RALYL: variants seen among roughly 807,000 people sequenced by gnomAD.
The protein encoded by RALYL is RNA-binding Raly-like protein.
Under a neutral mutation model 35.1 loss-of-function variants are expected in RALYL, and 29 were observed. The ratio of observed to expected loss-of-function variants is 0.83; its 90% CI spans 0.61 to 1.13. The LOEUF (loss-of-function observed/expected upper bound fraction) is 1.13. Among genes scored for constraint, RALYL ranks in the 50% most tolerant of loss-of-function variants. RALYL has a pLI of 0.00. For missense variants in RALYL, 359 were observed against 360.4 expected (o/e 1.00, Z 0.03); for synonymous variants, 120 against 127.6 (o/e 0.94, Z 0.40).
At chr8:84,900,560 T>C (rs1845499136) in intron 8 of RALYL, among the ~76,000 whole-genome samples, 1 of 152,030 alleles carries the variant, frequency 6.6e-6, no homozygotes. Flanking sequence ...ATGCCTGTAA[T>C]TCCAGCTACC....
intron 1 of RALYL, among the ~76,000 whole-genome samples, chr8:84,397,272 AGACTTCT>A (rs1323327854): frequency 6.6e-6 from 1 of 152,218 alleles, no homozygotes; most frequent in South Asian, 2.1e-4. Context: ...GACTCCTTTC[AGACTTCT>A]GACCTCCAGA....
intron 1 of RALYL, among the ~76,000 whole-genome samples, chr8:84,281,750 G>A (rs995341140): frequency 6.8e-6 from 1 of 146,362 alleles, no homozygotes; most frequent in Non-Finnish European, 1.6e-5. Flanking sequence ...CCAAGTGTAT[G>A]TGTGTGTGCA....
intron 2 of RALYL, among the ~76,000 whole-genome samples, chr8:84,577,640 T>G (rs1809782140): frequency 6.6e-6 from 1 of 152,198 alleles, no homozygotes; most frequent in South Asian, 2.1e-4. Context: ...ATGTTGAGAT[T>G]TTTGTCTAAA....
intron 2 of RALYL, among the ~76,000 whole-genome samples, chr8:84,744,176 G>T (rs1808065063): frequency 6.6e-6 from 1 of 151,964 alleles, no homozygotes; most frequent in Non-Finnish European, 1.5e-5. Flanking sequence ...GGAGAATTGT[G>T]AGAGGAATGG....
chr8:84,771,046 T>C (rs1302202169), intron 2 of RALYL, among the ~76,000 whole-genome samples: 1 of 152,152 alleles, frequency 6.6e-6, no homozygotes, highest in Non-Finnish European at 1.5e-5. Context: ...CTTTTTTTTC[T>C]AGTTTTATCC....
chr8:84,426,219 G>C (rs1326406777), intron 1 of RALYL, among the ~76,000 whole-genome samples: 3 of 152,098 alleles, frequency 2.0e-5, no homozygotes, highest in African/African-American at 7.2e-5. Flanking sequence ...TTACCCATTA[G>C]TTTTAGTTTG....
intron 1 of RALYL, among the ~76,000 whole-genome samples, chr8:84,478,051 T>G (rs1193580320): frequency 6.6e-6 from 1 of 152,122 alleles, no homozygotes; most frequent in Non-Finnish European, 1.5e-5. Context: ...TTTTTAATAT[T>G]TTAAGACTCC....
At chr8:84,492,450 T>G (rs1008386378) in intron 1 of RALYL, among the ~76,000 whole-genome samples, 1 of 152,122 alleles carries the variant, frequency 6.6e-6, no homozygotes, top group African/African-American at 2.4e-5. Context: ...CTTCCCTGTT[T>G]ACTGAATTAC....
intron 2 of RALYL, among the ~76,000 whole-genome samples, chr8:84,766,572 A>AATAC (rs1384843437): frequency 1.4e-5 from 2 of 145,488 alleles, no homozygotes; most frequent in African/African-American, 5.1e-5. Flanking sequence ...TAAATAAATA[A>AATAC]AATTAGCCAG....
chr8:84,893,080 C>CA (rs1282097314), intron 8 of RALYL, among the ~76,000 whole-genome samples: 1 of 152,054 alleles, frequency 6.6e-6, no homozygotes, highest in Non-Finnish European at 1.5e-5. Context: ...AAGAACCATA[C>CA]AAAAAACATA....
intron 2 of RALYL, among the ~76,000 whole-genome samples, chr8:84,554,796 A>G (rs2060980687): frequency 6.6e-6 from 1 of 152,268 alleles, no homozygotes; most frequent in African/African-American, 2.4e-5. Context: ...GCAAGTAAAT[A>G]AAATAAAATG....
chr8:84,853,460 A>T (rs1177279081), intron 5 of RALYL, among the ~76,000 whole-genome samples: 1 of 152,226 alleles, frequency 6.6e-6, no homozygotes, highest in Non-Finnish European at 1.5e-5. Flanking sequence ...TAAATAGTCA[A>T]ATTATTAGAG....
Position 84,183,887 on chromosome 8 carries a change from A to AT in RALYL, c.-554dup, listed in dbSNP as rs1188444241. On this transcript the variant is annotated 5_prime_UTR_variant, in exon 1 of 9. An upstream open reading frame in the 5' UTR loses its in-frame stop. Transcript: ENST00000521268. Reference sequence around the variant, plus strand: ...AAAAGCGATGTGAAGTATGGTGCCTATTTTTTTCCTTTGTAAAAATAAAAA... The same window carrying AT: ...AAAAGCGATGTGAAGTATGGTGCCTATTTTTTTTCCTTTGTAAAAATAAAAA... The AT allele has an allele frequency of 6.7e-6, 1 of 150,196 alleles. No individual in the cohort carries two copies. Among genetic ancestry groups the AT allele is most frequent in the African/African-American group, 2.5e-5 (1 of 40,636 alleles). The allele number at this position is 150,196 out of a possible 1,614,324, so 9.3% of individuals were successfully genotyped here. A position where few individuals can be genotyped will look rare whatever the true frequency, so the allele number is the denominator to read the frequency against.
chr8:84,488,270 C>T (rs1035653488), intron 1 of RALYL, among the ~76,000 whole-genome samples: 1 of 151,998 alleles, frequency 6.6e-6, no homozygotes. Context: ...TGCACTTGTC[C>T]AATTAATTGC....
At position 84,539,487 on chromosome 8, in the gene RALYL, G is replaced by A. The variant is rs117616760; in HGVS notation, c.256+9910G>A. Among the ~76,000 whole-genome samples the A allele has an allele frequency of 2.0e-5, 3 of 152,114 alleles. No individual in the cohort carries two copies. In the East Asian group the frequency reaches 5.8e-4, roughly 29 times the overall value. The stretch of plus-strand genomic sequence containing the variant: ...TTCTCTGGCTCTAATTTTCTCATTT[G>A]TGAGGAAGCCATGGGACTAGGTGAT... On this transcript the variant is annotated intron_variant, in intron 2 of 8. Transcript: ENST00000521268.
At chr8:84,353,028 G>A (rs1851205921) in intron 1 of RALYL, among the ~76,000 whole-genome samples, 1 of 150,198 alleles carries the variant, frequency 6.7e-6, no homozygotes, top group Admixed American at 6.6e-5. Context: ...GACACCTGCG[G>A]ACTTGAAAGT....
chr8:84,680,121 A>G (rs1232491653), intron 2 of RALYL, among the ~76,000 whole-genome samples: 1 of 151,602 alleles, frequency 6.6e-6, no homozygotes, highest in Non-Finnish European at 1.5e-5. Flanking sequence ...TGTCCTTGCG[A>G]TAGTTTGCTG....
chr8:84,270,119 A>G (rs890614121), intron 1 of RALYL, among the ~76,000 whole-genome samples: 2 of 152,180 alleles, frequency 1.3e-5, no homozygotes, highest in African/African-American at 4.8e-5. Flanking sequence ...GCTCACCAGC[A>G]ACGGATTAAG....
At chr8:84,730,970 G>A (rs1201260036) in intron 2 of RALYL, among the ~76,000 whole-genome samples, 4 of 152,078 alleles carry the variant, frequency 2.6e-5, no homozygotes, top group Non-Finnish European at 4.4e-5. Flanking sequence ...GAAGGAAAAG[G>A]TGGTGCAGAA....
Sources: allele counts gnomAD v4.1 joint callset (sites outside exome capture counted in the v4.1 genomes callset), GRCh38; gene constraint gnomAD v4.1.1; transcripts MANE v1.5; gene names NCBI Gene and HGNC (gene_info 2026-07-23, HGNC 2026-07-21).